ADSL: variants seen among roughly 807,000 people sequenced by gnomAD.
The protein encoded by ADSL is adenylosuccinate lyase.
Under a neutral mutation model 62.1 loss-of-function variants are expected in ADSL, and 44 were observed. That is an observed-to-expected ratio of 0.71 (90% confidence interval 0.56 to 0.91). The LOEUF (loss-of-function observed/expected upper bound fraction) is 0.91, where lower values mean the gene tolerates loss of function less well. ADSL is among the 40% of genes least tolerant of loss of function. The pLI is 0.00. For missense variants in ADSL, 531 were observed against 627.4 expected (o/e 0.85, Z 1.64); for synonymous variants, 198 against 220.5 (o/e 0.90, Z 0.90).
At chr22:40,373,074 G>A (rs186424917), downstream of ADSL, 20 of 152,244 alleles carry the variant, frequency 1.3e-4, no homozygotes, top group African/African-American at 4.6e-4. Context: ...TATGTGGGAG[G>A]GGTTAGAACA....
rs1248623868 is a variant in ADSL, at chr22:40,361,649, G to A, written c.1010+14G>A. On this transcript the variant is annotated intron_variant, in intron 9 of 12. Coordinates refer to ENST00000623063, the MANE Select transcript of ADSL (RefSeq NM_000026.4). ...TAGTGCCAACCGGTCAGTGGCACAG[G>A]GACATCACATACACCAAGTTGAGTG... 1 of 1,611,534 alleles carries A rather than the reference G, an allele frequency of 6.2e-7. No individual in the cohort carries two copies. Among genetic ancestry groups the A allele is most frequent in the Non-Finnish European group, 8.5e-7 (1 of 1,179,982 alleles).
In ADSL at chr22:40,365,028, C is replaced by T. The variant is rs749427506; in HGVS notation, c.1340C>T (p.Ser447Phe). Residue 447 changes from serine (S) to phenylalanine (F), a missense_variant, in exon 12 of 13, where the codon TCT becomes TTT. This residue lies in a region of ADSL where 471 missense variants were observed against 592.9 expected (regional missense o/e 0.79). Transcript: ENST00000623063. ...HSQLDHLLDP[S>F]SFTGRASQQV... ...CAGTTGGATCATTTACTGGATCCTT[C>T]TTCTTTCACTGGTCGTGCCTCCCAG... 14 of 1,614,066 alleles carry T rather than the reference C, an allele frequency of 8.7e-6. No homozygotes were observed. In the South Asian group the frequency reaches 1.5e-4, roughly 18 times the overall value.
At chr22:40,384,174 G>T (rs1238899838) in intron 2 of ADSL, among the ~76,000 whole-genome samples, 1 of 152,032 alleles carries the variant, frequency 6.6e-6, no homozygotes, top group Non-Finnish European at 1.5e-5. Context: ...AGCCTGGGAA[G>T]TCAAGGCTGC....
intron 2 of ADSL, among the ~76,000 whole-genome samples, chr22:40,377,876 A>T (rs2046906729): frequency 6.6e-6 from 1 of 151,818 alleles, no homozygotes; most frequent in African/African-American, 2.4e-5. Flanking sequence ...TAAAATAATC[A>T]GCTAACTTTA....
chr22:40,361,167 C>A, intron 7 of ADSL, 106 bp from the exon 8 acceptor site: 1 of 1,084,064 alleles, frequency 9.2e-7, no homozygotes, highest in Non-Finnish European at 1.4e-6. Context: ...TCAGCTCAGC[C>A]ACAGCACACC....
In ADSL at chr22:40,346,590, A is replaced by T. The variant is rs368501116; in HGVS notation, c.32A>T (p.Asp11Val). 46 of 1,606,574 alleles carry T rather than the reference A, an allele frequency of 2.9e-5. No homozygotes were observed. Among genetic ancestry groups the T allele is most frequent in the Non-Finnish European group, 3.8e-5 (45 of 1,177,302 alleles). ...GCTGGAGGCGATCATGGTTCGCCCGACAGCTACCGCTCACCTCTTGCCTCC... is the reference window on the plus strand; with the variant it reads ...GCTGGAGGCGATCATGGTTCGCCCGTCAGCTACCGCTCACCTCTTGCCTCC... MAAGGDHGSP[D>V]SYRSPLASRY... Residue 11 changes from aspartate (D) to valine (V), a missense_variant, in exon 1 of 13, where the codon GAC (aspartate) becomes GTC (valine). This residue lies in a region of ADSL where 60 missense variants were observed against 34.5 expected (regional missense o/e 1.74). Coordinates refer to ENST00000623063, the MANE Select transcript of ADSL (RefSeq NM_000026.4).
At chr22:40,364,842 G>C in intron 11 of ADSL, 38 bp from the exon 12 acceptor site, 1 of 1,609,638 alleles carries the variant, frequency 6.2e-7, no homozygotes, top group Non-Finnish European at 8.5e-7. Flanking sequence ...CAAACGCCCT[G>C]TTAGTAGGGA....
At chr22:40,384,635 C>T (rs1378282396) in intron 2 of ADSL, among the ~76,000 whole-genome samples, 1 of 152,114 alleles carries the variant, frequency 6.6e-6, no homozygotes, top group Non-Finnish European at 1.5e-5. Flanking sequence ...AAAAAATTAG[C>T]TGGGCATGGT....
At chr22:40,369,884 T>G (rs2045150079), downstream of ADSL, among the ~76,000 whole-genome samples, 1 of 152,150 alleles carries the variant, frequency 6.6e-6, no homozygotes, top group South Asian at 2.1e-4. Flanking sequence ...GATGCTCAGT[T>G]TCATTTAAGA....
chr22:40,373,291 C>T (rs2045931482), downstream of ADSL: 2 of 152,178 alleles, frequency 1.3e-5, no homozygotes, highest in African/African-American at 4.8e-5. Flanking sequence ...TGAAACTTTC[C>T]TGTGATCATA....
rs73167018 is a variant in ADSL, at chr22:40,385,488, T to C, written c.90-4742T>C. 2.2e-3 allele frequency among the ~76,000 whole-genome samples: 329 copies of C among 152,156 alleles called. 1 individual carries two copies. The highest frequency in any genetic ancestry group is 3.8e-3 in the Non-Finnish European group (257 of 68,006). On this transcript the variant is annotated intron_variant, in intron 2 of 2. Transcript: ENST00000498234. ...AAGGAAATGGGTTGAAAGGTTCTCG[T>C]GGGTGGAGAATTTAACGTAGGAAGG...
intron 2 of ADSL, among the ~76,000 whole-genome samples, chr22:40,380,796 G>A (rs1437320818): frequency 5.3e-5 from 8 of 152,098 alleles, no homozygotes; most frequent in South Asian, 2.1e-4. Context: ...TTAGCAGGGC[G>A]TGGTGGTGTG....
chr22:40,357,003 C>G (rs2044586547), intron 4 of ADSL, among the ~76,000 whole-genome samples: 1 of 152,138 alleles, frequency 6.6e-6, no homozygotes, highest in African/African-American at 2.4e-5. Flanking sequence ...TCAAGTGATT[C>G]TCCCACCTCA....
intron 6 of ADSL, 93 bp from the exon 7 acceptor site, chr22:40,360,309 C>T (rs922161432): frequency 1.1e-5 from 11 of 1,041,858 alleles, no homozygotes; most frequent in South Asian, 3.8e-5. Flanking sequence ...AGTCCTCCTC[C>T]GTTAGCCTCC....
At chr22:40,358,821 GGTCTC>G (rs2044661828) in intron 4 of ADSL, 38 bp from the exon 5 acceptor site, 1 of 1,527,252 alleles carries the variant, frequency 6.5e-7, no homozygotes, top group East Asian at 2.3e-5. Flanking sequence ...GATGATTTAA[GGTCTC>G]GGTCTGAGAC....
At chr22:40,373,696 A>G (rs776458415), downstream of ADSL, among the ~76,000 whole-genome samples, 5 of 152,062 alleles carry the variant, frequency 3.3e-5, no homozygotes, top group African/African-American at 7.2e-5. Flanking sequence ...GCTCACTGCA[A>G]TCTCTGCCTC....
chr22:40,350,221 T>C, intron 2 of ADSL, 186 bp downstream of exon 2: 1 of 587,858 alleles, frequency 1.7e-6, no homozygotes, highest in Non-Finnish European at 3.0e-6. Context: ...CCTCCTGGGT[T>C]CACACCATTC....
chr22:40,355,730 AG>A (rs2044527983), intron 4 of ADSL, among the ~76,000 whole-genome samples: 1 of 152,218 alleles, frequency 6.6e-6, no homozygotes, highest in Non-Finnish European at 1.5e-5. Context: ...ATCTGTTAGC[AG>A]TTAACAAGGA....
At chr22:40,375,130 C>T (rs1000722731) in intron 2 of ADSL, among the ~76,000 whole-genome samples, 1 of 152,160 alleles carries the variant, frequency 6.6e-6, no homozygotes, top group Admixed American at 6.5e-5. Flanking sequence ...CTAATATATG[C>T]CTCTTTTGCA....
Sources: allele counts gnomAD v4.1 joint callset (sites outside exome capture counted in the v4.1 genomes callset), GRCh38; gene constraint gnomAD v4.1.1; regional missense constraint gnomAD v4.1.1; transcripts MANE v1.5; gene names NCBI Gene and HGNC (gene_info 2026-07-23, HGNC 2026-07-21).